UNC13B: variants seen among roughly 807,000 people sequenced by gnomAD.
UNC13B encodes protein unc-13 homolog B.
UNC13B carries 144 observed loss-of-function variants against 211.0 expected under a neutral mutation model. The observed-to-expected ratio is 0.68, with a 90% confidence interval of 0.60 to 0.78. UNC13B has a LOEUF of 0.78. Ranked by LOEUF, UNC13B falls within the 30% of genes least tolerant of loss-of-function variation. The pLI is 0.00. For synonymous variants in UNC13B, 709 were observed against 725.8 expected, an observed-to-expected ratio of 0.98 and a Z score of 0.37; for missense variants, 1,777 against 2,002.0, an observed-to-expected ratio of 0.89 and a Z score of 2.14.
intron 1 of UNC13B, among the ~76,000 whole-genome samples, chr9:35,186,997 C>T (rs1822396991): frequency 1.3e-5 from 2 of 152,242 alleles, no homozygotes; most frequent in South Asian, 2.1e-4. Flanking sequence ...GCTTCCTTTT[C>T]GTTGGGAACC....
intron 11 of UNC13B, chr9:35,361,295 G>A (rs1204706616): frequency 6.6e-6 from 1 of 152,150 alleles, no homozygotes. Context: ...CTAAATCTAA[G>A]TGGAAAAATC....
chr9:35,259,161 A>G, intron 7 of UNC13B, 111 bp downstream of exon 7: 2 of 1,106,028 alleles, frequency 1.8e-6, no homozygotes, highest in Non-Finnish European at 2.7e-6. Flanking sequence ...GTGTAAGCAG[A>G]AGATATTCCT....
Position 35,380,596 on chromosome 9 carries a change from G to T in UNC13B, c.10332G>T (p.Glu3444Asp). Residue 3444 changes from glutamate to aspartate, a missense_variant, in exon 18 of 40, where the codon GAG becomes GAT. Coordinates refer to ENST00000635942, the MANE Select transcript of UNC13B (RefSeq NM_001371189.2). ...SDDFLGQTII[E>D]VRTLSGEMDV... ...ATTTCCTTGGCCAAACCATCATTGA[G>T]GTTCGGACCCTAAGTGGCGAGATGG... 1.2e-6 allele frequency: 2 copies of T among 1,614,214 alleles called. No individual in the cohort carries two copies. The highest frequency in any genetic ancestry group is 2.2e-5 in the East Asian group (1 of 44,886).
chr9:35,223,503 C>G (rs1051547903), intron 1 of UNC13B, among the ~76,000 whole-genome samples: 2 of 151,846 alleles, frequency 1.3e-5, no homozygotes, highest in Admixed American at 1.3e-4. Flanking sequence ...AATGTCTATT[C>G]AGATCCTTTG....
In UNC13B at chr9:35,304,960, A is replaced by G. The variant is rs1687853075; in HGVS notation, c.5556A>G (p.Gln1852=). ...SLNKNNHVKK[Q]SLLKSGFQVS... The stretch of plus-strand genomic sequence containing the variant: ...ATAAAAACAACCATGTGAAAAAGCA[A>G]AGTTTGTTAAAATCTGGTTTCCAGG... Residue 1852 remains glutamine (Q), a synonymous_variant, in exon 9 of 40, where the codon CAA becomes CAG. Coordinates refer to ENST00000635942, the MANE Select transcript of UNC13B (RefSeq NM_001371189.2). 1 of 398,940 alleles carries G rather than the reference A, an allele frequency of 2.5e-6. No homozygotes were observed. The highest frequency in any genetic ancestry group is 4.4e-6 in the Non-Finnish European group (1 of 225,998). 24.7% of individuals were successfully genotyped at this position (398,940 alleles called of 1,614,324 possible).
chr9:35,280,808 A>G (rs1344785586), intron 7 of UNC13B, among the ~76,000 whole-genome samples: 7 of 152,214 alleles, frequency 4.6e-5, no homozygotes, highest in African/African-American at 1.7e-4. Flanking sequence ...CAGTCATTAC[A>G]TCAACTTATT....
chr9:35,283,279 C>G (rs951781996), intron 7 of UNC13B, among the ~76,000 whole-genome samples: 2 of 152,032 alleles, frequency 1.3e-5, no homozygotes, highest in African/African-American at 4.8e-5. Flanking sequence ...TATTAATATG[C>G]TTATCTGTGT....
chr9:35,220,025 T>G lies in UNC13B; in HGVS notation c.23-7990T>G, dbSNP rs369968737. On this transcript the variant is annotated intron_variant, in intron 1 of 39. Coordinates refer to ENST00000635942, the MANE Select transcript of UNC13B (RefSeq NM_001371189.2). ...ATTGTGTTAGCATGAGGTAAGGGCT[T>G]AATTTTGTCTTTTTGTATGAATAAC... Among the ~76,000 whole-genome samples, 10 of 152,276 alleles carry G rather than the reference T, an allele frequency of 6.6e-5. No homozygotes were observed. The East Asian group carries it at 7.7e-4, about 12-fold the overall frequency.
At chr9:35,397,419 G>A in intron 29 of UNC13B, 109 bp downstream of exon 29, 1 of 1,512,840 alleles carries the variant, frequency 6.6e-7, no homozygotes, top group South Asian at 1.2e-5. Flanking sequence ...TAAAGCTCGT[G>A]TGACCCCCAT....
At chr9:35,364,542 C>A in intron 11 of UNC13B, 1 of 1,536,084 alleles carries the variant, frequency 6.5e-7, no homozygotes, top group South Asian at 1.2e-5. Context: ...TCTCTCCTTG[C>A]AGAAGAAAAG....
At position 35,162,219 on chromosome 9, in the gene UNC13B, T is replaced by C; in HGVS notation, c.-65T>C. 4 of 1,541,442 alleles carry C rather than the reference T, an allele frequency of 2.6e-6. No homozygotes were observed. Among genetic ancestry groups the C allele is most frequent in the Non-Finnish European group, 3.5e-6 (4 of 1,146,454 alleles). On this transcript the variant is annotated 5_prime_UTR_variant, in exon 1 of 40. An upstream open reading frame in the 5' UTR loses its in-frame stop. Coordinates refer to ENST00000635942, the MANE Select transcript of UNC13B (RefSeq NM_001371189.2). ...TAACGAGAGCAGTCGCGGCACCTGC[T>C]GAGAGGAAAGAGGGAGCGGTCCGGC...
chr9:35,165,708 C>T lies in UNC13B; in HGVS notation c.22+3403C>T, dbSNP rs148256743. 1.5e-3 allele frequency among the ~76,000 whole-genome samples: 230 copies of T among 152,188 alleles called. 1 individual carries two copies. The Middle Eastern group carries it at 0.034, about 23-fold the overall frequency. Reference sequence around the variant, plus strand: ...CTGGGATTACAGGCGTGAGCCACTGCGCCCGGCCTAGACTTGAATTTTTAA... The same window carrying T: ...CTGGGATTACAGGCGTGAGCCACTGTGCCCGGCCTAGACTTGAATTTTTAA... On this transcript the variant is annotated intron_variant, in intron 1 of 39. Transcript: ENST00000635942.
In UNC13B at chr9:35,316,166, C is replaced by T. The variant is rs114748606; in HGVS notation, c.9414+2177C>T. Among the ~76,000 whole-genome samples, 569 of 152,292 alleles carry T rather than the reference C, an allele frequency of 3.7e-3. 4 individuals are homozygous for T. The highest frequency in any genetic ancestry group is 0.013 in the African/African-American group (548 of 41,568). ...GCCGTCTCCTATCTGAATCTACCAC[C>T]ACTAATGATGGTTGCCAATTGGTAA... On this transcript the variant is annotated intron_variant, in intron 11 of 39. Transcript: ENST00000635942.
chr9:35,239,084 C>A (rs1012704109), intron 5 of UNC13B, among the ~76,000 whole-genome samples: 1 of 151,990 alleles, frequency 6.6e-6, no homozygotes, highest in African/African-American at 2.4e-5. Context: ...CCAATTTATA[C>A]TCTTATAAAT....
At chr9:35,254,928 T>C (rs2131605580) in intron 6 of UNC13B, among the ~76,000 whole-genome samples, 1 of 122,080 alleles carries the variant, frequency 8.2e-6, no homozygotes, top group East Asian at 2.1e-4. Context: ...ACATATATAA[T>C]ATAATATATA....
intron 1 of UNC13B, among the ~76,000 whole-genome samples, chr9:35,172,135 A>G (rs1260779386): frequency 6.6e-6 from 1 of 150,960 alleles, no homozygotes; most frequent in African/African-American, 2.4e-5. Flanking sequence ...TCCGCCTCCC[A>G]AAGTGCTGAG....
At chr9:35,403,283 G>T in intron 38 of UNC13B, 24 bp downstream of exon 38, 3 of 1,612,444 alleles carry the variant, frequency 1.9e-6, no homozygotes, top group Non-Finnish European at 2.5e-6. Flanking sequence ...TTACAGGTCT[G>T]CCCTTTCCTT....
rs533542294 is a variant in UNC13B at position 35,280,969 on chromosome 9, A to G, written c.527-14727A>G. Among the ~76,000 whole-genome samples the G allele has an allele frequency of 9.1e-4, 138 of 152,300 alleles. 1 individual carries two copies. The highest frequency in any genetic ancestry group is 6.8e-3 in the Middle Eastern group (2 of 294). ...CATAAAGGTCAGTTATTACCATAAAAGCGTGGTCATCTGATGGCTTCTTGT... is the reference window on the plus strand; with the variant it reads ...CATAAAGGTCAGTTATTACCATAAAGGCGTGGTCATCTGATGGCTTCTTGT... On this transcript the variant is annotated intron_variant, in intron 7 of 39. Transcript: ENST00000635942.
rs1444395273 is a variant in UNC13B at position 35,188,002 on chromosome 9, A to T, written c.22+25697A>T. On this transcript the variant is annotated intron_variant, in intron 1 of 39. Coordinates refer to ENST00000635942, the MANE Select transcript of UNC13B (RefSeq NM_001371189.2). ...TCACAAGAGTATAACTTACTCAATT[A>T]TTAAAGGCCATAAGTAGTTCAAAAT... Among the ~76,000 whole-genome samples the T allele has an allele frequency of 2.0e-5, 3 of 152,238 alleles. No individual in the cohort carries two copies. The East Asian group carries it at 5.8e-4, about 29-fold the overall frequency.
Sources: allele counts gnomAD v4.1 joint callset (sites outside exome capture counted in the v4.1 genomes callset), GRCh38; gene constraint gnomAD v4.1.1; transcripts MANE v1.5; gene names NCBI Gene and HGNC (gene_info 2026-07-23, HGNC 2026-07-21).